Variants in NLGN1 observed in about 807,000 individuals in gnomAD.
NLGN1 encodes neuroligin 1, also known as neuroligin-1.
A neutral mutation model predicts 65.5 loss-of-function variants in NLGN1; 12 were observed. The ratio of observed to expected loss-of-function variants is 0.18; its 90% CI spans 0.12 to 0.30. The LOEUF (loss-of-function observed/expected upper bound fraction) is 0.30, where lower values mean the gene tolerates loss of function less well. NLGN1 is among the 10% of genes least tolerant of loss of function. The probability of loss-of-function intolerance (pLI) is 1.00; values close to 1 mark genes in which losing one functional copy is unlikely to be tolerated. For synonymous variants in NLGN1, 350 were observed against 359.5 expected (o/e 0.97, Z 0.30); for missense variants, 750 against 1,007.1 (o/e 0.74, Z 3.46).
chr3:173,562,027 CGTTT>C (rs966138959), intron 2 of NLGN1, among the ~76,000 whole-genome samples: 14 of 151,742 alleles, frequency 9.2e-5, no homozygotes, highest in African/African-American at 3.1e-4. Context: ...TTTTTGTTTT[CGTTT>C]GTTTGTTTTT....
chr3:173,850,214 T>C (rs973995343), intron 4 of NLGN1, among the ~76,000 whole-genome samples: 3 of 152,168 alleles, frequency 2.0e-5, no homozygotes, highest in Admixed American at 6.5e-5. Context: ...CATTTATTCA[T>C]ATATATCTTA....
At chr3:174,109,434 T>A (rs894581437) in intron 4 of NLGN1, among the ~76,000 whole-genome samples, 18 of 152,004 alleles carry the variant, frequency 1.2e-4, no homozygotes. Flanking sequence ...TGCTTCTCAA[T>A]TTTTTTATTC....
intron 4 of NLGN1, among the ~76,000 whole-genome samples, chr3:173,959,664 A>T (rs1163463460): frequency 6.6e-6 from 1 of 152,204 alleles, no homozygotes; most frequent in East Asian, 1.9e-4. Context: ...TCAATTTGTT[A>T]CTATGTCATT....
At chr3:174,188,333 A>T (rs1017853540) in intron 4 of NLGN1, among the ~76,000 whole-genome samples, 1 of 152,002 alleles carries the variant, frequency 6.6e-6, no homozygotes, top group Admixed American at 6.6e-5. Flanking sequence ...CAAATGAAAA[A>T]GTATAAAATA....
intron 4 of NLGN1, among the ~76,000 whole-genome samples, chr3:174,028,860 A>G (rs1729357462): frequency 1.3e-5 from 2 of 152,182 alleles, no homozygotes; most frequent in Admixed American, 1.3e-4. Flanking sequence ...TAGGAGGGAT[A>G]AATGGTTTTG....
Position 174,267,491 on chromosome 3 carries a change from G to A in NLGN1, c.647-7824G>A, listed in dbSNP as rs115477741. Among the ~76,000 whole-genome samples the A allele has an allele frequency of 4.4e-3, 675 of 152,224 alleles. 3 individuals are homozygous for A. The highest frequency in any genetic ancestry group is 0.015 in the African/African-American group (603 of 41,540). Reference sequence around the variant, plus strand: ...TGGCTGTCTTTTTACCACACTAAATGTTGGGGGAATCTCAAGAGTCTCTCA... The same window carrying A: ...TGGCTGTCTTTTTACCACACTAAATATTGGGGGAATCTCAAGAGTCTCTCA... On this transcript the variant is annotated intron_variant, in intron 4 of 6. Transcript: ENST00000457714.
intron 2 of NLGN1, among the ~76,000 whole-genome samples, chr3:173,501,667 A>G (rs995413772): frequency 6.7e-6 from 1 of 149,810 alleles, no homozygotes; most frequent in Non-Finnish European, 1.5e-5. Flanking sequence ...ATATATTAGA[A>G]TTATATATAA....
At chr3:174,093,466 A>G (rs1417192866) in intron 4 of NLGN1, among the ~76,000 whole-genome samples, 3 of 152,218 alleles carry the variant, frequency 2.0e-5, no homozygotes, top group Non-Finnish European at 2.9e-5. Flanking sequence ...GAAGGAAGTA[A>G]AGGCTCATCT....
chr3:173,857,832 T>C (rs1280376603), intron 4 of NLGN1, among the ~76,000 whole-genome samples: 1 of 135,912 alleles, frequency 7.4e-6, no homozygotes, highest in Non-Finnish European at 1.6e-5. Context: ...AAAAATATGC[T>C]TAAATTTCAG....
At chr3:173,770,724 A>C (rs1017376345) in intron 3 of NLGN1, among the ~76,000 whole-genome samples, 3 of 152,150 alleles carry the variant, frequency 2.0e-5, no homozygotes, top group African/African-American at 7.2e-5. Context: ...TCAAAGTCTC[A>C]GTTTCCTCAT....
rs140846279 is a variant in NLGN1, at chr3:173,531,749, G to T, written c.-320-72530G>T. On this transcript the variant is annotated intron_variant, in intron 2 of 6. Coordinates refer to ENST00000457714, the Ensembl canonical transcript of NLGN1. The stretch of plus-strand genomic sequence containing the variant: ...CAGATCAAAGATTTCACCTTTGATT[G>T]GCAGCCAGTCTAAAGCTCTACCTTA... Among the ~76,000 whole-genome samples the T allele has an allele frequency of 2.6e-3, 402 of 152,104 alleles. 1 individual carries two copies. Among genetic ancestry groups the T allele is most frequent in the African/African-American group, 8.8e-3 (367 of 41,502 alleles).
chr3:173,490,429 C>T (rs1212138188), intron 2 of NLGN1, among the ~76,000 whole-genome samples: 1 of 152,056 alleles, frequency 6.6e-6, no homozygotes, highest in Non-Finnish European at 1.5e-5. Flanking sequence ...TTTCTGAGAG[C>T]TCTGTTCTGT....
chr3:173,410,447 CCTT>C (rs1323114993), intron 1 of NLGN1, among the ~76,000 whole-genome samples: 5 of 152,280 alleles, frequency 3.3e-5, no homozygotes, highest in African/African-American at 9.6e-5. Context: ...TTGTGACAGT[CCTT>C]CTTTATTCAC....
intron 2 of NLGN1, among the ~76,000 whole-genome samples, chr3:173,507,880 A>C (rs1732290137): frequency 6.6e-6 from 1 of 152,170 alleles, no homozygotes; most frequent in Non-Finnish European, 1.5e-5. Flanking sequence ...TCCTTTGTTA[A>C]ACATGCAGTT....
At chr3:173,445,501 C>A (rs1577499955) in intron 2 of NLGN1, among the ~76,000 whole-genome samples, 1 of 152,110 alleles carries the variant, frequency 6.6e-6, no homozygotes, top group African/African-American at 2.4e-5. Context: ...AGATAATTTG[C>A]CAATGATCTC....
intron 4 of NLGN1, among the ~76,000 whole-genome samples, chr3:174,088,757 AAAATAAATAAAT>A (rs71162375): frequency 0.012 from 1,735 of 141,270 alleles, 28 homozygotes; most frequent in African/African-American, 0.039. Flanking sequence ...CATCTCAATA[AAAATAAATAAAT>A]AAATAAATAA....
intron 2 of NLGN1, among the ~76,000 whole-genome samples, chr3:173,487,120 A>C (rs1175308956): frequency 8.7e-5 from 13 of 149,332 alleles, no homozygotes; most frequent in African/African-American, 1.2e-4. Context: ...TTCTTTTTAA[A>C]CTTTTCTTAT....
chr3:173,602,514 A>G (rs1411886567), intron 2 of NLGN1, among the ~76,000 whole-genome samples: 1 of 152,044 alleles, frequency 6.6e-6, no homozygotes, highest in Non-Finnish European at 1.5e-5. Flanking sequence ...GCGTTAAAGT[A>G]GCACATCAGT....
chr3:173,449,084 T>C (rs558623645), intron 2 of NLGN1, among the ~76,000 whole-genome samples: 6 of 152,322 alleles, frequency 3.9e-5, no homozygotes, highest in Non-Finnish European at 5.9e-5. Flanking sequence ...CTGATCTTAG[T>C]TATTTCTTGC....
Sources: gnomAD v4.1 joint callset for allele counts (sites outside exome capture counted in the v4.1 genomes callset) on GRCh38, gnomAD v4.1.1 for gene constraint, MANE v1.5 for transcripts, NCBI Gene and HGNC (gene_info 2026-07-23, HGNC 2026-07-21) for gene names.